SAP18: variants seen among roughly 807,000 people sequenced by gnomAD.
The protein encoded by SAP18 is histone deacetylase complex subunit SAP18.
SAP18 carries 4 observed loss-of-function variants against 18.6 expected under a neutral mutation model. The observed-to-expected ratio is 0.21, with a 90% CI of 0.11 to 0.49. The LOEUF (loss-of-function observed/expected upper bound fraction) is 0.49, where lower values mean the gene tolerates loss of function less well. Among genes scored for constraint, SAP18 ranks in the 20% least tolerant of loss-of-function variants. The pLI is 0.98. For missense variants in SAP18, 170 were observed against 226.4 expected, an observed-to-expected ratio of 0.75 and a Z score of 1.60; for synonymous variants, 112 against 82.8, an observed-to-expected ratio of 1.35 and a Z score of -1.92.
chr13:21,140,473 G>A (rs1324635986), upstream of SAP18: 1 of 1,460,556 alleles, frequency 6.8e-7, no homozygotes, highest in Non-Finnish European at 9.2e-7. Flanking sequence ...ACGGAAGTGC[G>A]CCTGCGCCAG....
intron 2 of SAP18, among the ~76,000 whole-genome samples, chr13:21,146,084 T>A (rs1259331680): frequency 6.6e-6 from 1 of 152,198 alleles, no homozygotes; most frequent in Non-Finnish European, 1.5e-5. Flanking sequence ...GGCTCACGCT[T>A]GTAATCAATC....
chr13:21,141,731 ATC>A (rs1869473458), intron 2 of SAP18: 1 of 152,136 alleles, frequency 6.6e-6, no homozygotes, highest in African/African-American at 2.4e-5. Context: ...CAGTGGTGCC[ATC>A]TCGGCTCACT....
chr13:21,143,030 T>C (rs555282526), intron 2 of SAP18, among the ~76,000 whole-genome samples: 1 of 152,350 alleles, frequency 6.6e-6, no homozygotes, highest in African/African-American at 2.4e-5. Flanking sequence ...TCATGGTGTT[T>C]TTAGGGTTAA....
exon 4 of SAP18, chr13:21,147,995 T>TAA (rs1405620489): frequency 6.6e-6 from 1 of 152,222 alleles, no homozygotes; most frequent in African/African-American, 2.4e-5. Flanking sequence ...TAGAAAGGTT[T>TAA]AATTAACCCT....
chr13:21,140,346 C>A (rs1380884538), upstream of SAP18, among the ~76,000 whole-genome samples: 13 of 152,210 alleles, frequency 8.5e-5, no homozygotes, highest in Admixed American at 8.5e-4. Flanking sequence ...GGGAAAAAAA[C>A]ATCCCGGCAA....
intron 2 of SAP18, 88 bp from the exon 3 acceptor site, chr13:21,146,717 A>T: frequency 9.8e-7 from 1 of 1,024,560 alleles, no homozygotes; most frequent in Non-Finnish European, 1.4e-6. Flanking sequence ...CAACTCAGAT[A>T]TATGTAATTA....
chr13:21,142,197 G>A (rs1869492646), intron 2 of SAP18, among the ~76,000 whole-genome samples: 1 of 150,186 alleles, frequency 6.7e-6, no homozygotes, highest in African/African-American at 2.4e-5. Context: ...TGAGGCAGGA[G>A]GATCGCTTGA....
chr13:21,141,709 C>T (rs954800520), intron 2 of SAP18: 5 of 152,164 alleles, frequency 3.3e-5, no homozygotes, highest in African/African-American at 1.2e-4. Context: ...CTCTGTTGCC[C>T]AGGCTGGAGT....
At chr13:21,142,388 G>A (rs1397350175) in intron 2 of SAP18, among the ~76,000 whole-genome samples, 2 of 151,244 alleles carry the variant, frequency 1.3e-5, no homozygotes, top group African/African-American at 4.9e-5. Flanking sequence ...GTGCAGTGGC[G>A]TGATCTCAGC....
chr13:21,141,377 A>G (rs1595288283), intron 2 of SAP18: 1 of 226,822 alleles, frequency 4.4e-6, no homozygotes, highest in Non-Finnish European at 9.0e-6. Context: ...GTCGAGTGGT[A>G]TTTGTTATTC....
At chr13:21,142,085 G>A (rs945804731) in intron 2 of SAP18, among the ~76,000 whole-genome samples, 1 of 148,222 alleles carries the variant, frequency 6.7e-6, no homozygotes, top group African/African-American at 2.5e-5. Flanking sequence ...TCAGGAGTTC[G>A]AGACCAGTCT....
chr13:21,147,412 C>T, exon 4 of SAP18: 2 of 1,356,616 alleles, frequency 1.5e-6, no homozygotes, highest in Admixed American at 2.1e-5. Flanking sequence ...TTCTTCCTCC[C>T]CTGATTATTG....
intron 2 of SAP18, among the ~76,000 whole-genome samples, chr13:21,145,712 C>T (rs537028535): frequency 6.6e-6 from 1 of 152,292 alleles, no homozygotes; most frequent in Non-Finnish European, 1.5e-5. Flanking sequence ...GGGGTTTCAC[C>T]ATGTTGGCCA....
intron 2 of SAP18, among the ~76,000 whole-genome samples, chr13:21,145,064 TC>T (rs1184177938): frequency 2.9e-5 from 4 of 139,970 alleles, no homozygotes; most frequent in African/African-American, 8.0e-5. Flanking sequence ...GTTCTTGACC[TC>T]TTTTTTTTTT....
chr13:21,148,879 T>C (rs1449168989), exon 4 of SAP18: 3 of 152,190 alleles, frequency 2.0e-5, no homozygotes, highest in Non-Finnish European at 4.4e-5. Context: ...TTTGCTTGGT[T>C]CCAACATGGA....
exon 2 of SAP18, chr13:21,140,961 A>G: frequency 6.4e-7 from 1 of 1,560,406 alleles, no homozygotes; most frequent in Non-Finnish European, 8.7e-7. Context: ...CTCCCGGGGA[A>G]ATGTACCGTC....
exon 1 of SAP18, chr13:21,140,678 G>A (rs1346990159): frequency 6.2e-7 from 1 of 1,611,576 alleles, no homozygotes; most frequent in Non-Finnish European, 8.5e-7. Context: ...TCGACCGCGA[G>A]AAGGTGAAGG....
intron 2 of SAP18, among the ~76,000 whole-genome samples, chr13:21,146,313 C>G (rs998640677): frequency 2.0e-5 from 3 of 152,218 alleles, no homozygotes; most frequent in African/African-American, 7.2e-5. Flanking sequence ...CGCCACTGCA[C>G]TCTAGCCTGG....
chr13:21,141,740 C>CA (rs773828636), intron 2 of SAP18: 3 of 152,118 alleles, frequency 2.0e-5, no homozygotes, highest in Non-Finnish European at 4.4e-5. Flanking sequence ...CATCTCGGCT[C>CA]ACTGCAACCT....
Sources: allele counts gnomAD v4.1 joint callset (sites outside exome capture counted in the v4.1 genomes callset), GRCh38; gene constraint gnomAD v4.1.1; transcripts MANE v1.5; gene names NCBI Gene and HGNC (gene_info 2026-07-23, HGNC 2026-07-21).